SEMA5A: variants seen among roughly 807,000 people sequenced by gnomAD.
SEMA5A encodes the protein semaphorin 5A.
A neutral mutation model predicts 135.5 loss-of-function variants in SEMA5A; 55 were observed. The observed-to-expected ratio is 0.41, with a 90% CI of 0.33 to 0.51. SEMA5A has a LOEUF of 0.51. SEMA5A is among the 20% of genes least tolerant of loss of function. SEMA5A has a pLI of 0.37. For missense variants in SEMA5A, 1,290 were observed against 1,419.9 expected (o/e 0.91, Z 1.47); for synonymous variants, 580 against 546.5 (o/e 1.06, Z -0.85).
intron 1 of SEMA5A, among the ~76,000 whole-genome samples, chr5:9,440,679 A>G (rs992964459): frequency 6.6e-5 from 10 of 152,244 alleles, no homozygotes; most frequent in Admixed American, 1.3e-4. Context: ...AAGAAGATTG[A>G]ATACCAATTA....
intron 1 of SEMA5A, among the ~76,000 whole-genome samples, chr5:9,508,371 C>A (rs1736022167): frequency 6.6e-6 from 1 of 152,180 alleles, no homozygotes; most frequent in Non-Finnish European, 1.5e-5. Flanking sequence ...CCCTCCCACT[C>A]CCCTATCACC....
chr5:9,046,668 C>T (rs559705950), intron 21 of SEMA5A, among the ~76,000 whole-genome samples: 18 of 152,150 alleles, frequency 1.2e-4, no homozygotes, highest in Non-Finnish European at 1.9e-4. Context: ...TGGCAGAGGT[C>T]GGATATCTCT....
In SEMA5A at chr5:9,286,739, C is replaced by T. The variant is rs956934778; in HGVS notation, c.270+31633G>A. ...TTATACACACATACACACACACACA[C>T]ACACGTGAATTTTTATAATTAAGTA... is the stretch of plus-strand genomic sequence containing the variant. On this transcript the variant is annotated intron_variant, in intron 5 of 22. Transcript: ENST00000382496. Among the ~76,000 whole-genome samples the T allele has an allele frequency of 2.6e-5, 4 of 152,198 alleles. No homozygotes were observed. In the East Asian group the frequency reaches 7.7e-4, roughly 29 times the overall value.
At chr5:9,421,821 T>TA (rs1483480650) in intron 2 of SEMA5A, among the ~76,000 whole-genome samples, 3 of 152,250 alleles carry the variant, frequency 2.0e-5, no homozygotes, top group Non-Finnish European at 4.4e-5. Flanking sequence ...GTGAACTACC[T>TA]ATTCATATAT....
intron 1 of SEMA5A, among the ~76,000 whole-genome samples, chr5:9,472,865 A>C (rs1257207815): frequency 6.6e-6 from 1 of 150,640 alleles, no homozygotes; most frequent in Non-Finnish European, 1.5e-5. Context: ...TAAAATACAT[A>C]TACTTATATA....
At chr5:9,384,679 G>GATAGAT (rs1561208365) in intron 2 of SEMA5A, among the ~76,000 whole-genome samples, 1 of 90,580 alleles carries the variant, frequency 1.1e-5, no homozygotes, top group Non-Finnish European at 2.1e-5. Context: ...GATAGATATA[G>GATAGAT]ATAGATAGAT....
chr5:9,391,507 C>T (rs527843550), intron 2 of SEMA5A, among the ~76,000 whole-genome samples: 2 of 152,340 alleles, frequency 1.3e-5, no homozygotes, highest in African/African-American at 2.4e-5. Context: ...GGTCCCCCTT[C>T]CCCAGTCTAC....
intron 2 of SEMA5A, among the ~76,000 whole-genome samples, chr5:9,433,551 C>T (rs1465260426): frequency 6.6e-6 from 1 of 151,704 alleles, no homozygotes; most frequent in Non-Finnish European, 1.5e-5. Context: ...ATAATTCTCA[C>T]ACACGCTTGT....
At chr5:9,111,548 G>A (rs1301315015) in intron 15 of SEMA5A, among the ~76,000 whole-genome samples, 3 of 152,172 alleles carry the variant, frequency 2.0e-5, no homozygotes, top group Non-Finnish European at 2.9e-5. Flanking sequence ...TGTCTACTGA[G>A]CTGCATTTTA....
Position 9,531,057 on chromosome 5 carries a change from C to G in SEMA5A, c.-175+14527G>C, listed in dbSNP as rs576505200. Among the ~76,000 whole-genome samples, 3 of 152,268 alleles carry G rather than the reference C, an allele frequency of 2.0e-5. No homozygotes were observed. The East Asian group carries it at 5.8e-4, about 29-fold the overall frequency. ...TGTTTTCAACACTGGAAAAGGTCAT[C>G]TTGCAATGAAGATGAATAATGTGGG... is the stretch of plus-strand genomic sequence containing the variant. On this transcript the variant is annotated intron_variant, in intron 1 of 22. Coordinates refer to ENST00000382496, the MANE Select transcript of SEMA5A (RefSeq NM_003966.3).
intron 19 of SEMA5A, among the ~76,000 whole-genome samples, chr5:9,053,555 G>A (rs757822090): frequency 2.0e-5 from 3 of 152,074 alleles, no homozygotes; most frequent in Non-Finnish European, 4.4e-5. Flanking sequence ...GTCATTCCTG[G>A]AACACAGGTC....
intron 5 of SEMA5A, among the ~76,000 whole-genome samples, chr5:9,242,009 C>T (rs760845829): frequency 1.2e-4 from 19 of 152,144 alleles, no homozygotes; most frequent in African/African-American, 3.4e-4. Flanking sequence ...AATTACACAA[C>T]GCCAAAAATT....
chr5:9,109,490 A>T (rs953409071), intron 15 of SEMA5A, among the ~76,000 whole-genome samples: 1 of 152,228 alleles, frequency 6.6e-6, no homozygotes, highest in Non-Finnish European at 1.5e-5. Context: ...GTAGTGAGAC[A>T]CACTCGGTGA....
intron 1 of SEMA5A, among the ~76,000 whole-genome samples, chr5:9,508,931 A>C (rs902840728): frequency 6.6e-6 from 1 of 152,184 alleles, no homozygotes; most frequent in Non-Finnish European, 1.5e-5. Flanking sequence ...ACAAATTTAC[A>C]ATGAGGCAAC....
chr5:9,047,855 T>C (rs1386434624), intron 21 of SEMA5A, among the ~76,000 whole-genome samples: 1 of 152,222 alleles, frequency 6.6e-6, no homozygotes. Context: ...GCATCTCAGC[T>C]GGTTCAGACA....
intron 17 of SEMA5A, among the ~76,000 whole-genome samples, chr5:9,064,131 T>A (rs552955289): frequency 1.7e-4 from 26 of 152,192 alleles, no homozygotes; most frequent in Admixed American, 3.9e-4. Context: ...AGCATACTCT[T>A]CAGAGAAATT....
chr5:9,210,857 C>T (rs1806048), intron 8 of SEMA5A, among the ~76,000 whole-genome samples: 1,929 of 152,234 alleles, frequency 0.013, 46 homozygotes, highest in African/African-American at 0.043. Context: ...ATAGCTACTG[C>T]GACTCTTCCT....
chr5:9,347,190 T>G (rs1291373379), intron 3 of SEMA5A, among the ~76,000 whole-genome samples: 1 of 152,236 alleles, frequency 6.6e-6, no homozygotes, highest in Admixed American at 6.5e-5. Flanking sequence ...AAACACAGCA[T>G]TTTAAAAATG....
intron 1 of SEMA5A, among the ~76,000 whole-genome samples, chr5:9,484,456 T>C (rs967928012): frequency 6.6e-6 from 1 of 152,136 alleles, no homozygotes; most frequent in Non-Finnish European, 1.5e-5. Flanking sequence ...ATCAACCCCT[T>C]TGAAGTCAAT....
Sources: allele counts gnomAD v4.1 joint callset (sites outside exome capture counted in the v4.1 genomes callset), GRCh38; gene constraint gnomAD v4.1.1; transcripts MANE v1.5; gene names NCBI Gene and HGNC (gene_info 2026-07-23, HGNC 2026-07-21).